LHFPL3: variants seen among roughly 807,000 people sequenced by gnomAD.
LHFPL3 encodes the protein LHFPL tetraspan subfamily member 3 protein.
LHFPL3 carries 5 observed loss-of-function variants against 19.3 expected under a neutral mutation model. That is an observed-to-expected ratio of 0.26 (90% CI 0.14 to 0.54). The LOEUF (loss-of-function observed/expected upper bound fraction) is 0.54. Ranked by LOEUF, LHFPL3 falls within the 20% of genes least tolerant of loss-of-function variation. The pLI is 0.94. For missense variants in LHFPL3, 249 were observed against 307.4 expected, an observed-to-expected ratio of 0.81 and a Z score of 1.42; for synonymous variants, 133 against 126.2, an observed-to-expected ratio of 1.05 and a Z score of -0.36.
At chr7:104,351,202 A>G (rs182761017) in intron 1 of LHFPL3, among the ~76,000 whole-genome samples, 6 of 152,312 alleles carry the variant, frequency 3.9e-5, no homozygotes, top group Admixed American at 3.9e-4. Context: ...GGTTAGTACC[A>G]TGTAAATTGG....
chr7:104,653,212 G>A lies in LHFPL3; in HGVS notation c.446-83463G>A, dbSNP rs1792062216. Among the ~76,000 whole-genome samples the A allele has an allele frequency of 3.3e-5, 5 of 152,328 alleles. No individual in the cohort carries two copies. In the South Asian group the frequency reaches 1.0e-3, roughly 32 times the overall value. ...TTGTGCTGAGAGTCTGCAGTCCTTA[G>A]AGGCCAAGGTTGAGGCCCAGTGGAG... On this transcript the variant is annotated intron_variant, in intron 1 of 2. Coordinates refer to ENST00000424859, the MANE Select transcript of LHFPL3 (RefSeq NM_199000.3).
At position 104,863,297 on chromosome 7, in the gene LHFPL3, G is replaced by C. The variant is rs1421010907; in HGVS notation, c.683-42890G>C. ...GGAGACTCACTATTCCTATGAGTGT[G>C]TTGAATTTCATTCTGGCCAAACAAA... On this transcript the variant is annotated intron_variant, in intron 2 of 2. Coordinates refer to ENST00000424859, the MANE Select transcript of LHFPL3 (RefSeq NM_199000.3). Among the ~76,000 whole-genome samples the C allele has an allele frequency of 2.6e-5, 4 of 152,262 alleles. No homozygotes were observed. The East Asian group carries it at 5.8e-4, about 22-fold the overall frequency.
chr7:104,874,037 C>T (rs138834582), intron 2 of LHFPL3, among the ~76,000 whole-genome samples: 312 of 152,340 alleles, frequency 2.0e-3, no homozygotes, highest in Middle Eastern at 0.01. Flanking sequence ...GCAAACCAAA[C>T]ACTGCTGTTG....
chr7:104,656,670 A>G (rs982383479), intron 1 of LHFPL3, among the ~76,000 whole-genome samples: 2 of 152,210 alleles, frequency 1.3e-5, no homozygotes, highest in African/African-American at 2.4e-5. Flanking sequence ...CATGACCACA[A>G]GATTACTCAG....
chr7:104,508,472 G>T (rs1584368125), intron 1 of LHFPL3, among the ~76,000 whole-genome samples: 1 of 121,448 alleles, frequency 8.2e-6, no homozygotes, highest in Non-Finnish European at 1.6e-5. Context: ...GGTGGGGGGA[G>T]GGGGGAGGGA....
At chr7:104,636,547 G>A (rs1384481634) in intron 1 of LHFPL3, among the ~76,000 whole-genome samples, 1 of 151,884 alleles carries the variant, frequency 6.6e-6, no homozygotes, top group Non-Finnish European at 1.5e-5. Flanking sequence ...TCTCCCTCAA[G>A]TAGGCCCCAG....
At chr7:104,440,555 A>G (rs1417621950) in intron 1 of LHFPL3, among the ~76,000 whole-genome samples, 1 of 152,088 alleles carries the variant, frequency 6.6e-6, no homozygotes, top group Non-Finnish European at 1.5e-5. Context: ...CTAGAACTTA[A>G]AGTATAATAA....
chr7:104,573,053 A>T (rs775192045), intron 1 of LHFPL3, among the ~76,000 whole-genome samples: 20 of 152,278 alleles, frequency 1.3e-4, no homozygotes, highest in Middle Eastern at 3.4e-3. Flanking sequence ...TCCATTTTTC[A>T]TTAAAGGTAC....
chr7:104,866,699 C>A (rs1791729301), intron 2 of LHFPL3, among the ~76,000 whole-genome samples: 1 of 152,092 alleles, frequency 6.6e-6, no homozygotes, highest in Non-Finnish European at 1.5e-5. Context: ...TATCCAGGAA[C>A]TGAACTCAGC....
intron 2 of LHFPL3, among the ~76,000 whole-genome samples, chr7:104,811,326 C>A (rs1329800990): frequency 6.6e-6 from 1 of 152,146 alleles, no homozygotes; most frequent in African/African-American, 2.4e-5. Context: ...TCCCTAGTAG[C>A]TGGAACTACA....
At chr7:104,431,701 T>A (rs1042208849) in intron 1 of LHFPL3, among the ~76,000 whole-genome samples, 2 of 152,262 alleles carry the variant, frequency 1.3e-5, no homozygotes, top group Admixed American at 1.3e-4. Context: ...GATATAAATA[T>A]GGAGCTTCAA....
At chr7:104,331,408 C>T (rs1253342147) in intron 1 of LHFPL3, among the ~76,000 whole-genome samples, 1 of 152,174 alleles carries the variant, frequency 6.6e-6, no homozygotes, top group Non-Finnish European at 1.5e-5. Flanking sequence ...AATTATTTGG[C>T]ATTTTATTTC....
intron 1 of LHFPL3, among the ~76,000 whole-genome samples, chr7:104,579,354 T>A (rs1790410608): frequency 6.6e-6 from 1 of 152,170 alleles, no homozygotes; most frequent in Non-Finnish European, 1.5e-5. Flanking sequence ...GTTATTTCAA[T>A]CTTTATGTCC....
intron 1 of LHFPL3, among the ~76,000 whole-genome samples, chr7:104,602,942 C>G (rs1790997218): frequency 6.6e-6 from 1 of 152,146 alleles, no homozygotes; most frequent in Non-Finnish European, 1.5e-5. Context: ...TAACCTACTC[C>G]TAAGATAACA....
chr7:104,767,147 G>T (rs937156387), intron 2 of LHFPL3, among the ~76,000 whole-genome samples: 1 of 152,232 alleles, frequency 6.6e-6, no homozygotes, highest in Non-Finnish European at 1.5e-5. Flanking sequence ...ATTTCTCAAA[G>T]TAACCATTAT....
chr7:104,623,208 T>A (rs1002565661), intron 1 of LHFPL3, among the ~76,000 whole-genome samples: 1 of 152,168 alleles, frequency 6.6e-6, no homozygotes, highest in African/African-American at 2.4e-5. Flanking sequence ...CTCATGTGTT[T>A]TTGTTTTGTT....
chr7:104,573,994 A>G (rs571759872), intron 1 of LHFPL3, among the ~76,000 whole-genome samples: 38 of 152,330 alleles, frequency 2.5e-4, no homozygotes, highest in Middle Eastern at 3.4e-3. Flanking sequence ...GACATTTGGA[A>G]TAGGAGATTA....
At chr7:104,877,866 C>G (rs951962639) in intron 2 of LHFPL3, among the ~76,000 whole-genome samples, 10 of 149,338 alleles carry the variant, frequency 6.7e-5, no homozygotes, top group Non-Finnish European at 1.2e-4. Context: ...CAGAGTCTTT[C>G]TCTGTCACCC....
At chr7:104,833,150 C>A (rs1791015865) in intron 2 of LHFPL3, among the ~76,000 whole-genome samples, 1 of 92,674 alleles carries the variant, frequency 1.1e-5, no homozygotes, top group Non-Finnish European at 2.0e-5. Flanking sequence ...CTCAAGCTTG[C>A]AGACAGCCTA....
Sources: gnomAD v4.1 joint callset for allele counts (sites outside exome capture counted in the v4.1 genomes callset) on GRCh38, gnomAD v4.1.1 for gene constraint, MANE v1.5 for transcripts, NCBI Gene and HGNC (gene_info 2026-07-23, HGNC 2026-07-21) for gene names.